GORASP2: variants seen among roughly 807,000 people sequenced by gnomAD.
GORASP2 encodes the protein golgi reassembly stacking protein 2.
Under a neutral mutation model 45.7 loss-of-function variants are expected in GORASP2, and 22 were observed. The ratio of observed to expected loss-of-function variants is 0.48; its 90% CI spans 0.34 to 0.69. The LOEUF is 0.69. Among genes scored for constraint, GORASP2 ranks in the 30% least tolerant of loss-of-function variants. The probability of loss-of-function intolerance (pLI) is 0.01; values close to 1 mark genes in which losing one functional copy is unlikely to be tolerated. For synonymous variants in GORASP2, 221 were observed against 215.6 expected (o/e 1.02, Z -0.22); for missense variants, 491 against 562.7 (o/e 0.87, Z 1.29).
intron 1 of GORASP2, among the ~76,000 whole-genome samples, chr2:170,938,856 G>T (rs1254560009): frequency 6.6e-6 from 1 of 152,154 alleles, no homozygotes; most frequent in South Asian, 2.1e-4. Context: ...AGCCAGGCAT[G>T]GCAGTGGGCG....
At chr2:170,938,759 G>A (rs943984368) in intron 1 of GORASP2, among the ~76,000 whole-genome samples, 2 of 152,178 alleles carry the variant, frequency 1.3e-5, no homozygotes, top group African/African-American at 2.4e-5. Flanking sequence ...TTGGGAGGCC[G>A]AGGCGGTGAT....
At position 170,966,067 on chromosome 2, in the gene GORASP2, C is replaced by T. The variant is rs773169612; in HGVS notation, c.1296C>T (p.Ser432=). ...PTTVEDRVGD[S]TPVSEKPVSA... The stretch of plus-strand genomic sequence containing the variant: ...CCGTTGAGGACAGAGTCGGCGACTC[C>T]ACCCCAGTCAGCGAGAAGCCTGTTT... Residue 432 remains serine, a synonymous_variant, in exon 10 of 10, where the codon TCC becomes TCT. Transcript: ENST00000234160. 3.7e-6 allele frequency: 6 copies of T among 1,614,118 alleles called. No homozygotes were observed. In the South Asian group the frequency reaches 6.6e-5, roughly 18 times the overall value.
chr2:170,964,605 G>T (rs1480963849), intron 9 of GORASP2, among the ~76,000 whole-genome samples: 1 of 151,948 alleles, frequency 6.6e-6, no homozygotes, highest in Non-Finnish European at 1.5e-5. Flanking sequence ...GTGAGCTGAG[G>T]TCGCACCACT....
intron 6 of GORASP2, among the ~76,000 whole-genome samples, chr2:170,955,154 A>G (rs1704395706): frequency 6.6e-6 from 1 of 152,116 alleles, no homozygotes; most frequent in Non-Finnish European, 1.5e-5. Flanking sequence ...GGGAAAACCA[A>G]GCTTCAAGAA....
At position 170,929,273 on chromosome 2, in the gene GORASP2, G is replaced by A. The variant is rs758561834; in HGVS notation, c.-68G>A. 31 of 1,230,228 alleles carry A rather than the reference G, an allele frequency of 2.5e-5. No individual in the cohort carries two copies. The highest frequency in any genetic ancestry group is 3.3e-5 in the Non-Finnish European group (31 of 953,038). 76.2% of individuals were successfully genotyped at this position (1,230,228 alleles called of 1,614,324 possible). On this transcript the variant is annotated 5_prime_UTR_variant, in exon 1 of 10. Coordinates refer to ENST00000234160, the MANE Select transcript of GORASP2 (RefSeq NM_015530.5). ...GTCCCAAGTGCTACGCGGAGGATTA[G>A]AGCAGGCGGTGCGCTGGGGGCGGGA...
chr2:170,942,305 A>G (rs1254853004), intron 1 of GORASP2, among the ~76,000 whole-genome samples: 2 of 152,172 alleles, frequency 1.3e-5, no homozygotes, highest in Admixed American at 6.5e-5. Context: ...GAGTTCTGCA[A>G]CCATCACCAC....
chr2:170,963,629 G>A (rs1333834415), intron 9 of GORASP2, among the ~76,000 whole-genome samples: 3 of 151,730 alleles, frequency 2.0e-5, no homozygotes, highest in Non-Finnish European at 2.9e-5. Context: ...AGCTGGCTGG[G>A]CTTGTATTTT....
intron 4 of GORASP2, among the ~76,000 whole-genome samples, chr2:170,950,759 A>C (rs370588220): frequency 3.3e-5 from 5 of 152,196 alleles, no homozygotes; most frequent in Non-Finnish European, 5.9e-5. Flanking sequence ...AGATGGGAGA[A>C]TTACTTGAGC....
At chr2:170,957,750 A>G (rs1460351075) in intron 7 of GORASP2, among the ~76,000 whole-genome samples, 3 of 152,224 alleles carry the variant, frequency 2.0e-5, no homozygotes, top group Non-Finnish European at 4.4e-5. Context: ...TGTACAACCA[A>G]TAACCTCAAC....
chr2:170,965,620 A>G (rs1309929207), intron 9 of GORASP2, among the ~76,000 whole-genome samples, 170 bp from the exon 10 acceptor site: 1 of 152,226 alleles, frequency 6.6e-6, no homozygotes, highest in Non-Finnish European at 1.5e-5. Context: ...ATTGTAGGGA[A>G]TAGTTAACCC....
Position 170,966,427 on chromosome 2 carries a change from G to A in GORASP2, c.*297G>A. The A allele has an allele frequency of 1.5e-5, 7 of 461,508 alleles. No individual in the cohort carries two copies. Among genetic ancestry groups the A allele is most frequent in the Non-Finnish European group, 2.3e-5 (6 of 255,342 alleles). The allele number at this position is 461,508 out of a possible 1,614,324, so 28.6% of individuals were successfully genotyped here. A position where few individuals can be genotyped will look rare whatever the true frequency, so the allele number is the denominator to read the frequency against. ...CTGGGGGTGTGCATCTTCGGGAAAG[G>A]TGGTGGCGGGGCGTCCACTAGGTTT... On this transcript the variant is annotated 3_prime_UTR_variant, in exon 10 of 10. Transcript: ENST00000234160.
rs139152795 is a variant in GORASP2, at chr2:170,942,018, G to A, written c.64-6332G>A. 8.5e-4 allele frequency among the ~76,000 whole-genome samples: 129 copies of A among 152,132 alleles called. 2 individuals carry two copies. The highest frequency in any genetic ancestry group is 5.5e-3 in the Admixed American group (84 of 15,262). On this transcript the variant is annotated intron_variant, in intron 1 of 9. Transcript: ENST00000234160. ...TCCTCACTAACACTTAATATTTTTC[G>A]TCTTTTTAATTTCATTCATTCTGAT...
rs1482788263 is a variant in GORASP2, at chr2:170,962,909, C to T, written c.981C>T (p.Ile327=). ...NLNLNLPAPH[I]MPGVGLPELV... ...ACCTCAACCTCCCAGCACCACACAT[C>T]ATGCCAGGGGTTGGCTTACCAGAAC... The change falls in exon 9 of 10, where the codon ATC becomes ATT. Residue 327 remains isoleucine (I), a synonymous_variant. Coordinates refer to ENST00000234160, the MANE Select transcript of GORASP2 (RefSeq NM_015530.5). The T allele has an allele frequency of 6.2e-7, 1 of 1,613,922 alleles. No homozygotes were observed. The highest frequency in any genetic ancestry group is 8.5e-7 in the Non-Finnish European group (1 of 1,179,944).
intron 1 of GORASP2, among the ~76,000 whole-genome samples, chr2:170,935,196 A>C (rs1015957443): frequency 6.6e-6 from 1 of 152,226 alleles, no homozygotes; most frequent in African/African-American, 2.4e-5. Context: ...ATCATTGAAC[A>C]TAAACTTTTT....
chr2:170,953,749 T>C (rs1704357894), intron 5 of GORASP2: 1 of 152,212 alleles, frequency 6.6e-6, no homozygotes, highest in African/African-American at 2.4e-5. Flanking sequence ...AAGAACCAGA[T>C]GTAGAAAGGA....
At chr2:170,959,388 G>A (rs372202879) in intron 7 of GORASP2, among the ~76,000 whole-genome samples, 13 of 152,184 alleles carry the variant, frequency 8.5e-5, no homozygotes, top group African/African-American at 2.9e-4. Flanking sequence ...ACACATGCAC[G>A]GAGCTCCCTG....
chr2:170,929,056 G>T (rs957286418), upstream of GORASP2: 4 of 353,312 alleles, frequency 1.1e-5, no homozygotes, highest in African/African-American at 8.5e-5. Flanking sequence ...GTTCTCTCGC[G>T]AGCACGACGC....
In GORASP2 at chr2:170,936,913, T is replaced by A. The variant is rs549971671; in HGVS notation, c.63+7510T>A. On this transcript the variant is annotated intron_variant, in intron 1 of 9. Transcript: ENST00000234160. The stretch of plus-strand genomic sequence containing the variant: ...TAATTAATTAATTCGTTAATTTTTT[T>A]AAAAAAAATTTAAGGCTAGGTGCGG... Among the ~76,000 whole-genome samples, 113 of 152,112 alleles carry A rather than the reference T, an allele frequency of 7.4e-4. 1 individual carries two copies. Among genetic ancestry groups the A allele is most frequent in the Non-Finnish European group, 1.0e-3 (70 of 67,990 alleles).
intron 5 of GORASP2, chr2:170,951,669 T>C (rs1469298605): frequency 3.2e-6 from 1 of 315,910 alleles, no homozygotes; most frequent in Admixed American, 4.8e-5. Flanking sequence ...TCCTTTTCTT[T>C]ACTAACCTAA....
Sources: gnomAD v4.1 joint callset for allele counts (sites outside exome capture counted in the v4.1 genomes callset) on GRCh38, gnomAD v4.1.1 for gene constraint, MANE v1.5 for transcripts, NCBI Gene and HGNC (gene_info 2026-07-23, HGNC 2026-07-21) for gene names.